The following MTCL1 variants were observed in gnomAD, a reference collection of about 807,000 sequenced individuals.
MTCL1 encodes microtubule cross-linking factor 1.
Under a neutral mutation model 141.4 loss-of-function variants are expected in MTCL1, and 79 were observed. The observed-to-expected ratio is 0.56, with a 90% confidence interval of 0.47 to 0.67. MTCL1 has a LOEUF of 0.67. MTCL1 is among the 30% of genes least tolerant of loss of function. MTCL1 has a pLI of 0.00. For missense variants in MTCL1, 2,177 were observed against 2,113.9 expected, an observed-to-expected ratio of 1.03 and a Z score of -0.59; for synonymous variants, 914 against 875.8, an observed-to-expected ratio of 1.04 and a Z score of -0.77.
chr18:8,770,816 A>C (rs1446207003), intron 4 of MTCL1, among the ~76,000 whole-genome samples: 1 of 152,154 alleles, frequency 6.6e-6, no homozygotes. Context: ...AGGGTTTTCC[A>C]CTGGATCTGA....
intron 13 of MTCL1, among the ~76,000 whole-genome samples, chr18:8,819,564 A>C (rs2076773501): frequency 6.6e-6 from 1 of 152,170 alleles, no homozygotes; most frequent in African/African-American, 2.4e-5. Context: ...AAGAGGAAGT[A>C]AATAATTCTG....
chr18:8,734,339 T>C (rs1312312961), intron 4 of MTCL1, among the ~76,000 whole-genome samples: 1 of 152,122 alleles, frequency 6.6e-6, no homozygotes, highest in African/African-American at 2.4e-5. Flanking sequence ...GAAGGATTTG[T>C]TTGACAAGAT....
At chr18:8,797,959 G>A in intron 9 of MTCL1, 138 bp from the exon 9 acceptor site, 1 of 787,962 alleles carries the variant, frequency 1.3e-6, no homozygotes, top group East Asian at 3.3e-5. Flanking sequence ...GCCAAAATGA[G>A]CATTTTAGGG....
chr18:8,820,763 G>A (rs1403539145), intron 13 of MTCL1, among the ~76,000 whole-genome samples: 3 of 152,210 alleles, frequency 2.0e-5, no homozygotes, highest in African/African-American at 7.2e-5. Flanking sequence ...TCATTAAGGG[G>A]AAGGGTACCC....
At chr18:8,711,131 T>C (rs1286379745) in intron 1 of MTCL1, among the ~76,000 whole-genome samples, 194 of 151,408 alleles carry the variant, frequency 1.3e-3, no homozygotes, top group African/African-American at 4.5e-3. Context: ...TGAGTGAGAA[T>C]ATGCGGTGTT....
At chr18:8,730,056 C>T (rs2096242404) in intron 4 of MTCL1, among the ~76,000 whole-genome samples, 1 of 152,164 alleles carries the variant, frequency 6.6e-6, no homozygotes, top group African/African-American at 2.4e-5. Context: ...GTTGAAAAGG[C>T]CACCTTTCCT....
intron 7 of MTCL1, chr18:8,786,980 T>C (rs1598661889): frequency 6.4e-6 from 1 of 155,964 alleles, no homozygotes; most frequent in Non-Finnish European, 1.4e-5. Context: ...TGATGGCTGG[T>C]TTTACAGGAA....
At chr18:8,805,484 A>G (rs1387304946) in intron 10 of MTCL1, among the ~76,000 whole-genome samples, 1 of 152,200 alleles carries the variant, frequency 6.6e-6, no homozygotes, top group Non-Finnish European at 1.5e-5. Flanking sequence ...ACAAACATCC[A>G]TCCAAAGTAT....
upstream of MTCL1, among the ~76,000 whole-genome samples, chr18:8,715,633 C>T (rs35875994): frequency 0.26 from 39,918 of 152,148 alleles, 5,531 homozygotes; most frequent in Admixed American, 0.34. Flanking sequence ...TAGGTTCTTT[C>T]TCAAAGTCTG....
chr18:8,715,674 C>T (rs1320654134), upstream of MTCL1, among the ~76,000 whole-genome samples: 1 of 152,216 alleles, frequency 6.6e-6, no homozygotes, highest in Non-Finnish European at 1.5e-5. Flanking sequence ...GGGTGTGAAT[C>T]AAACTTGACG....
chr18:8,765,410 C>T (rs2096455117), intron 4 of MTCL1, among the ~76,000 whole-genome samples: 1 of 152,246 alleles, frequency 6.6e-6, no homozygotes, highest in African/African-American at 2.4e-5. Context: ...AGTCCCTGCA[C>T]TGTTGGTGGC....
intron 12 of MTCL1, among the ~76,000 whole-genome samples, chr18:8,817,186 G>A (rs1050272212): frequency 2.0e-5 from 3 of 150,094 alleles, no homozygotes; most frequent in Non-Finnish European, 4.4e-5. Context: ...AAATAGCTTA[G>A]AGATGATCAT....
chr18:8,728,827 C>T (rs531285416), intron 4 of MTCL1, among the ~76,000 whole-genome samples: 14 of 140,304 alleles, frequency 1.0e-4, no homozygotes, highest in Non-Finnish European at 1.5e-4. Flanking sequence ...CTCCGCCTCC[C>T]GAGTTCAAGC....
In MTCL1 at chr18:8,779,634, C is replaced by T. The variant is rs939067664; in HGVS notation, c.417+1742C>T. Among the ~76,000 whole-genome samples, 8 of 152,098 alleles carry T rather than the reference C, an allele frequency of 5.3e-5. No homozygotes were observed. The highest frequency in any genetic ancestry group is 1.9e-4 in the African/African-American group (8 of 41,424). ...GCGGGCCCTGCTCCAGCTGCCTCGA[C>T]CTCACGGAAGACGTCTGACTCCTTC... On this transcript the variant is annotated intron_variant, in intron 5 of 16. Coordinates refer to ENST00000359865, the Ensembl canonical transcript of MTCL1. This position sits in a 1 kb window ranked among gnomAD's most constrained non-coding sequence, Gnocchi z 4.1.
At chr18:8,726,487 GAGAGAGAGCGCGCGCGCGCGCA>G (rs1380858650) in intron 4 of MTCL1, among the ~76,000 whole-genome samples, 1 of 115,234 alleles carries the variant, frequency 8.7e-6, no homozygotes, top group African/African-American at 3.8e-5. Context: ...GAGAGAGAGA[GAGAGAGAGCGCGCGCGCGCGCA>G]AGAGCGAGCG....
exon 1 of MTCL1, chr18:8,706,327 G>C (rs1326183035): frequency 2.4e-6 from 3 of 1,230,278 alleles, no homozygotes; most frequent in African/African-American, 3.1e-5. Context: ...CCTGTCCGAC[G>C]AGCAGCGCCT....
exon 15 of MTCL1, chr18:8,824,954 G>A (rs1382368451): frequency 1.2e-6 from 2 of 1,613,620 alleles, no homozygotes; most frequent in Non-Finnish European, 1.7e-6. Context: ...ACAGCACAGA[G>A]CCTTTCCCCG....
chr18:8,806,125 T>C (rs1187999523), intron 10 of MTCL1, among the ~76,000 whole-genome samples: 1 of 152,210 alleles, frequency 6.6e-6, no homozygotes, highest in Non-Finnish European at 1.5e-5. Context: ...TGGGTCTGGC[T>C]TGTCCTTTCC....
Position 8,821,500 on chromosome 18 carries a change from T to C in MTCL1, c.3188+2T>C, listed in dbSNP as rs1346196301. 8 of 1,373,388 alleles carry C rather than the reference T, an allele frequency of 5.8e-6. No homozygotes were observed. The highest frequency in any genetic ancestry group is 8.2e-6 in the Non-Finnish European group (8 of 978,080). 85.1% of individuals were successfully genotyped at this position (1,373,388 alleles called of 1,614,324 possible). The stretch of plus-strand genomic sequence containing the variant: ...AAATCACAAAGGAAATCTTCAAAGG[T>C]AAGTAAGATTGATGAAAATAATAGA... On this transcript the variant is annotated splice_donor_variant, in intron 14 of 16. Coordinates refer to ENST00000359865, the Ensembl canonical transcript of MTCL1. LOFTEE classifies it high-confidence loss of function.
Sources: allele counts gnomAD v4.1 joint callset (sites outside exome capture counted in the v4.1 genomes callset), GRCh38; gene constraint gnomAD v4.1.1; non-coding constraint Gnocchi (gnomAD v3.1); transcripts MANE v1.5; gene names NCBI Gene and HGNC (gene_info 2026-07-23, HGNC 2026-07-21).